The following SIMC1 variants were observed in gnomAD, a reference collection of about 807,000 sequenced individuals.
SIMC1 encodes SUMO-interacting motif-containing protein 1.
SIMC1 carries 55 observed loss-of-function variants against 82.3 expected under a neutral mutation model. The observed-to-expected ratio is 0.67, with a 90% CI of 0.54 to 0.84. The LOEUF (loss-of-function observed/expected upper bound fraction) is 0.84. Among genes scored for constraint, SIMC1 ranks in the 40% least tolerant of loss-of-function variants. The pLI is 0.00. For missense variants in SIMC1, 915 were observed against 1,107.2 expected (o/e 0.83, Z 2.46); for synonymous variants, 353 against 426.3 (o/e 0.83, Z 2.12).
chr5:176,275,979 G>A (rs1363819194), intron 1 of SIMC1, among the ~76,000 whole-genome samples: 1 of 151,582 alleles, frequency 6.6e-6, no homozygotes, highest in Non-Finnish European at 1.5e-5. Context: ...GGATGATGCT[G>A]GCCTCATAAA....
chr5:176,337,826 G>A (rs1241267062), intron 9 of SIMC1, among the ~76,000 whole-genome samples: 3 of 152,192 alleles, frequency 2.0e-5, no homozygotes, highest in Non-Finnish European at 4.4e-5. Flanking sequence ...TATGAAAGTG[G>A]CTCTTCAGAG....
intron 4 of SIMC1, among the ~76,000 whole-genome samples, chr5:176,305,754 G>A (rs1764324546): frequency 1.6e-5 from 1 of 63,938 alleles, no homozygotes; most frequent in African/African-American, 6.2e-5. Context: ...CGGGAGGGAG[G>A]TGAGGGGGTC....
At chr5:176,309,503 T>TATATGCTTTTGCCCC in intron 4 of SIMC1, among the ~76,000 whole-genome samples, 1 of 152,172 alleles carries the variant, frequency 6.6e-6, no homozygotes, top group Non-Finnish European at 1.5e-5. Flanking sequence ...AGCATATCCG[T>TATATGCTTTTGCCCC]AAAAGATAAA....
chr5:176,343,783 TTTTTG>T lies in SIMC1; in HGVS notation c.2414-1380_2414-1376del, dbSNP rs141407031. The stretch of plus-strand genomic sequence containing the variant: ...CTCACGAAACTTTTCTTTTTTTGTT[TTTTTG>T]TTTTGTTTTGTTTTGTTTTTTTTGA... On this transcript the variant is annotated intron_variant, in intron 9 of 9. Transcript: ENST00000429602. 4.5e-3 allele frequency among the ~76,000 whole-genome samples: 685 copies of T among 151,748 alleles called. 3 individuals are homozygous for T. Among genetic ancestry groups the T allele is most frequent in the African/African-American group, 0.016 (650 of 41,130 alleles).
intron 9 of SIMC1, among the ~76,000 whole-genome samples, chr5:176,341,666 G>T (rs1464896555): frequency 1.3e-5 from 2 of 152,128 alleles, no homozygotes; most frequent in African/African-American, 4.8e-5. Flanking sequence ...TGACTCCCAG[G>T]GTTCTGCCAT....
chr5:176,311,634 T>C (rs1229357030), intron 4 of SIMC1, among the ~76,000 whole-genome samples: 1 of 151,336 alleles, frequency 6.6e-6, no homozygotes, highest in Admixed American at 6.6e-5. Context: ...GAAAGAGATA[T>C]AATTACAGGT....
At chr5:176,273,369 TCC>T (rs1762531695) in intron 1 of SIMC1, among the ~76,000 whole-genome samples, 1 of 151,954 alleles carries the variant, frequency 6.6e-6, no homozygotes, top group Admixed American at 6.6e-5. Flanking sequence ...CAGCTAAGGG[TCC>T]TGACTGTTAG....
chr5:176,336,845 T>C lies in SIMC1; in HGVS notation c.2297T>C (p.Leu766Pro). 6.2e-7 allele frequency: 1 copy of C among 1,614,016 alleles called. No homozygotes were observed. The highest frequency in any genetic ancestry group is 8.5e-7 in the Non-Finnish European group (1 of 1,179,890). The change falls in exon 8 of 10, where the codon CTG (leucine) becomes CCG (proline). Residue 766 changes from leucine to proline, a missense_variant. Around this residue, in one of 2 missense-constraint regions of SIMC1, gnomAD observed 902 missense variants for 1,040.3 expected, o/e 0.87. Coordinates refer to ENST00000429602, the MANE Select transcript of SIMC1 (RefSeq NM_001308195.2). ...PLSLAQALYF[L>P]NNSTSLLKCQ... ...TCTCTGGCCCAGGCCCTCTACTTTC[T>C]GAATAATTCTACGTCACTGCTCAAG...
intron 5 of SIMC1, among the ~76,000 whole-genome samples, chr5:176,321,307 C>G (rs769696917): frequency 6.6e-6 from 1 of 151,686 alleles, no homozygotes; most frequent in South Asian, 2.1e-4. Flanking sequence ...TATTGATAGT[C>G]ATATTCATAC....
In SIMC1 at chr5:176,305,229, G is replaced by T. The variant is rs1241498658; in HGVS notation, c.1735-8462G>T. Among the ~76,000 whole-genome samples the T allele has an allele frequency of 5.3e-4, 37 of 69,358 alleles. 1 individual carries two copies. Among genetic ancestry groups the T allele is most frequent in the South Asian group, 2.9e-3 (6 of 2,040 alleles). The allele number at this position is 69,358 out of a possible 152,430, so 45.5% of individuals were successfully genotyped here. A position where few individuals can be genotyped will look rare whatever the true frequency, so the allele number is the denominator to read the frequency against. ...CCGCCCGGCCAGCCGCCCCGTCTGG[G>T]AGGTGAGGGGCGCCTCTGCCCGGCC... On this transcript the variant is annotated intron_variant, in intron 4 of 9. Coordinates refer to ENST00000429602, the MANE Select transcript of SIMC1 (RefSeq NM_001308195.2).
At chr5:176,275,507 G>A (rs112985302) in intron 1 of SIMC1, among the ~76,000 whole-genome samples, 16 of 151,826 alleles carry the variant, frequency 1.1e-4, no homozygotes, top group African/African-American at 2.7e-4. Context: ...TTCCAACACT[G>A]TGTTGAAGAG....
chr5:176,317,542 AAGG>A (rs1483266258), intron 5 of SIMC1, among the ~76,000 whole-genome samples: 2 of 152,172 alleles, frequency 1.3e-5, no homozygotes, highest in South Asian at 4.1e-4. Context: ...CATGAAAAAT[AAGG>A]AGTTCGCTCT....
intron 1 of SIMC1, among the ~76,000 whole-genome samples, chr5:176,245,780 G>A (rs1246190477): frequency 6.6e-6 from 1 of 152,066 alleles, no homozygotes; most frequent in African/African-American, 2.4e-5. Context: ...GCTTTTAAAG[G>A]AAAAATGAGG....
intron 4 of SIMC1, among the ~76,000 whole-genome samples, chr5:176,300,821 A>G (rs1304710645): frequency 6.6e-6 from 1 of 152,200 alleles, no homozygotes; most frequent in Non-Finnish European, 1.5e-5. Flanking sequence ...ACTACCAACA[A>G]TTATACCCCC....
At chr5:176,320,331 T>TTTTA (rs71299779) in intron 5 of SIMC1, among the ~76,000 whole-genome samples, 5,722 of 140,294 alleles carry the variant, frequency 0.041, 190 homozygotes, top group African/African-American at 0.081. Flanking sequence ...AGCCATCCTA[T>TTTTA]TTTATTTATT....
intron 1 of SIMC1, among the ~76,000 whole-genome samples, chr5:176,240,992 CT>C (rs60144020): frequency 0.024 from 1,715 of 71,192 alleles, 513 homozygotes; most frequent in Middle Eastern, 0.07. Context: ...ACTTTTACAT[CT>C]TTTTTTTTTT....
chr5:176,278,787 C>G (rs2113212553), intron 1 of SIMC1, among the ~76,000 whole-genome samples: 1 of 145,350 alleles, frequency 6.9e-6, no homozygotes, highest in South Asian at 2.3e-4. Flanking sequence ...GTCTTGCATC[C>G]CAGGGATGAA....
Position 176,294,899 on chromosome 5 carries a change from A to T in SIMC1, c.1432-131A>T. ...AGAATGGCATGAACTCGGGAGGCAG[A>T]GCTTGCAGTGAGCTGAGATCACGCC... On this transcript the variant is annotated intron_variant, in intron 2 of 9. Transcript: ENST00000429602. 2.4e-6 allele frequency: 3 copies of T among 1,270,368 alleles called. No individual in the cohort carries two copies. In the South Asian group the frequency reaches 4.8e-5, roughly 20 times the overall value. 78.7% of individuals were successfully genotyped at this position (1,270,368 alleles called of 1,614,324 possible). A position where few individuals can be genotyped will look rare whatever the true frequency, so the allele number is the denominator to read the frequency against.
chr5:176,313,490 A>G (rs1561716934), intron 4 of SIMC1: 6 of 1,552,638 alleles, frequency 3.9e-6, no homozygotes, highest in Middle Eastern at 1.7e-4. Context: ...ATAAGGTATG[A>G]TTTTTTTCAG....
Sources: allele counts gnomAD v4.1 joint callset (sites outside exome capture counted in the v4.1 genomes callset), GRCh38; gene constraint gnomAD v4.1.1; regional missense constraint gnomAD v4.1.1; transcripts MANE v1.5; gene names NCBI Gene and HGNC (gene_info 2026-07-23, HGNC 2026-07-21).